PARVA: variants seen among roughly 807,000 people sequenced by gnomAD.
PARVA encodes parvin alpha.
A neutral mutation model predicts 52.6 loss-of-function variants in PARVA; 25 were observed. That is an observed-to-expected ratio of 0.48 (90% CI 0.35 to 0.66). The LOEUF (loss-of-function observed/expected upper bound fraction) is 0.66, where lower values mean the gene tolerates loss of function less well. Ranked by LOEUF, PARVA falls within the 30% of genes least tolerant of loss-of-function variation. The probability of loss-of-function intolerance (pLI) is 0.01; values close to 1 mark genes in which losing one functional copy is unlikely to be tolerated. For missense variants in PARVA, 373 were observed against 450.9 expected (o/e 0.83, Z 1.56); for synonymous variants, 185 against 179.1 (o/e 1.03, Z -0.26).
chr11:12,421,927 A>C (rs1221262211), intron 1 of PARVA, among the ~76,000 whole-genome samples: 2 of 152,200 alleles, frequency 1.3e-5, no homozygotes, highest in Non-Finnish European at 2.9e-5. Context: ...GAGTAGTTCA[A>C]GATCTTTTGA....
intron 1 of PARVA, among the ~76,000 whole-genome samples, chr11:12,467,636 C>T (rs1399558382): frequency 6.6e-6 from 1 of 152,078 alleles, no homozygotes; most frequent in Non-Finnish European, 1.5e-5. Context: ...CTGTATAGGC[C>T]CTGGAACTAT....
chr11:12,423,770 T>C (rs543108869), intron 1 of PARVA, among the ~76,000 whole-genome samples: 8 of 152,338 alleles, frequency 5.3e-5, no homozygotes, highest in African/African-American at 1.9e-4. Context: ...TGCCATGTCC[T>C]CAGGACTTAT....
chr11:12,471,829 C>T (rs2135034226), intron 1 of PARVA, among the ~76,000 whole-genome samples: 2 of 152,290 alleles, frequency 1.3e-5, no homozygotes, highest in South Asian at 4.1e-4. Context: ...CAGTGCCGAT[C>T]AGTGTAGCTA....
chr11:12,508,455 T>A, intron 6 of PARVA, 129 bp from the exon 7 acceptor site: 1 of 731,064 alleles, frequency 1.4e-6, no homozygotes, highest in Non-Finnish European at 2.4e-6. Context: ...CAGCATTATC[T>A]TATCTTGGGT....
chr11:12,397,184 T>A (rs1226250071), intron 1 of PARVA, among the ~76,000 whole-genome samples: 1 of 152,130 alleles, frequency 6.6e-6, no homozygotes, highest in Non-Finnish European at 1.5e-5. Context: ...ACATTTAAGT[T>A]TTTTTATAGG....
At chr11:12,428,182 G>A (rs2134991130) in intron 1 of PARVA, among the ~76,000 whole-genome samples, 1 of 152,348 alleles carries the variant, frequency 6.6e-6, no homozygotes, top group South Asian at 2.1e-4. Context: ...CAGAGAAGTT[G>A]GGCAAATGTG....
At chr11:12,443,482 T>G (rs1255139444) in intron 1 of PARVA, among the ~76,000 whole-genome samples, 1 of 152,160 alleles carries the variant, frequency 6.6e-6, no homozygotes, top group Admixed American at 6.5e-5. Flanking sequence ...CTTGACTTCT[T>G]AAAAGCATCT....
intron 4 of PARVA, among the ~76,000 whole-genome samples, chr11:12,487,978 T>C (rs778734967): frequency 1.8e-4 from 28 of 152,224 alleles, no homozygotes; most frequent in South Asian, 1.0e-3. Flanking sequence ...ATCAGTCTTA[T>C]TGAAATTGGT....
chr11:12,393,044 G>GAA (rs60966710), intron 1 of PARVA, among the ~76,000 whole-genome samples: 456 of 45,240 alleles, frequency 0.01, no homozygotes, highest in Middle Eastern at 0.025. Context: ...CCCAAATTGT[G>GAA]AAAAAAAAAA....
intron 1 of PARVA, among the ~76,000 whole-genome samples, chr11:12,420,225 T>C (rs1394232575): frequency 6.6e-6 from 1 of 152,200 alleles, no homozygotes; most frequent in Non-Finnish European, 1.5e-5. Flanking sequence ...CTAATAGGCA[T>C]TTATTGTACA....
intron 6 of PARVA, among the ~76,000 whole-genome samples, chr11:12,504,900 A>G (rs530912713): frequency 6.6e-6 from 1 of 152,064 alleles, no homozygotes; most frequent in South Asian, 2.1e-4. Context: ...CTGTGCATAT[A>G]AGGGAATGTG....
Position 12,377,634 on chromosome 11 carries a change from G to C in PARVA, c.-14G>C, listed in dbSNP as rs756106838. 1 of 1,566,122 alleles carries C rather than the reference G, an allele frequency of 6.4e-7. No homozygotes were observed. The highest frequency in any genetic ancestry group is 1.2e-5 in the South Asian group (1 of 85,610). On this transcript the variant is annotated 5_prime_UTR_variant, in exon 1 of 13. Transcript: ENST00000334956. ...TCCGCGTCCCGACCGGCCCGCGGCA[G>C]CCTGCGCCGCGCCATGGCCACCTCC...
Position 12,532,467 on chromosome 11 carries a change from T to C in PARVA, c.*4542T>C, listed in dbSNP as rs1032461088. 3.3e-5 allele frequency among the ~76,000 whole-genome samples: 5 copies of C among 152,148 alleles called. No individual in the cohort carries two copies. The highest frequency in any genetic ancestry group is 1.2e-4 in the African/African-American group (5 of 41,446). On this transcript the variant is annotated 3_prime_UTR_variant, in exon 13 of 13. Coordinates refer to ENST00000334956, the MANE Select transcript of PARVA (RefSeq NM_018222.5). ...TCCCCTGAGAAATTTCTAGGATGAGTACTCTGAACTCAGGACTTCATTTAG... is the reference window on the plus strand; with the variant it reads ...TCCCCTGAGAAATTTCTAGGATGAGCACTCTGAACTCAGGACTTCATTTAG...
chr11:12,510,492 G>C (rs1383494599), intron 7 of PARVA, among the ~76,000 whole-genome samples: 1 of 152,162 alleles, frequency 6.6e-6, no homozygotes, highest in East Asian at 1.9e-4. Flanking sequence ...GCCCAGAAAG[G>C]TTCATTAGCT....
chr11:12,421,455 G>C (rs1026414767), intron 1 of PARVA, among the ~76,000 whole-genome samples: 2 of 152,104 alleles, frequency 1.3e-5, no homozygotes, highest in African/African-American at 2.4e-5. Context: ...CCCAGCAACA[G>C]ATTTTTTTTC....
intron 8 of PARVA, 40 bp downstream of exon 8, chr11:12,511,573 A>C (rs750647919): frequency 6.2e-7 from 1 of 1,607,982 alleles, no homozygotes; most frequent in Non-Finnish European, 8.5e-7. Flanking sequence ...TGGTGGCTGC[A>C]CTGGGGCTTT....
chr11:12,383,367 C>A (rs954461152), intron 1 of PARVA, among the ~76,000 whole-genome samples: 1 of 152,226 alleles, frequency 6.6e-6, no homozygotes, highest in African/African-American at 2.4e-5. Context: ...GCTGAAGGCA[C>A]CCGAATTAGG....
In PARVA at chr11:12,530,194, A is replaced by T. The variant is rs1334309462; in HGVS notation, c.*2269A>T. 2.0e-5 allele frequency: 3 copies of T among 152,188 alleles called. No homozygotes were observed. Among genetic ancestry groups the T allele is most frequent in the South Asian group, 2.1e-4 (1 of 4,824 alleles). 9.4% of individuals were successfully genotyped at this position (152,188 alleles called of 1,614,324 possible). A position where few individuals can be genotyped will look rare whatever the true frequency, so the allele number is the denominator to read the frequency against. On this transcript the variant is annotated 3_prime_UTR_variant, in exon 13 of 13. Coordinates refer to ENST00000334956, the MANE Select transcript of PARVA (RefSeq NM_018222.5). The stretch of plus-strand genomic sequence containing the variant: ...TTAAATAACAGTTCTAATTTATCAG[A>T]AAATTGTGTTTTGGGATTGAGTTCT...
intron 1 of PARVA, among the ~76,000 whole-genome samples, chr11:12,463,914 TCAAATGGTTG>T (rs2135026448): frequency 1.3e-5 from 2 of 152,220 alleles, no homozygotes; most frequent in South Asian, 4.1e-4. Flanking sequence ...ATTTTGTTAT[TCAAATGGTTG>T]CAACTTTGGC....
Sources: allele counts gnomAD v4.1 joint callset (sites outside exome capture counted in the v4.1 genomes callset), GRCh38; gene constraint gnomAD v4.1.1; transcripts MANE v1.5; gene names NCBI Gene and HGNC (gene_info 2026-07-23, HGNC 2026-07-21).